Variants in MTAP observed in about 807,000 individuals in gnomAD.
MTAP encodes the protein methylthioadenosine phosphorylase.
Under a neutral mutation model 33.6 loss-of-function variants are expected in MTAP, and 33 were observed. That is an observed-to-expected ratio of 0.98 (90% CI 0.74 to 1.31). The LOEUF (loss-of-function observed/expected upper bound fraction) is 1.31. Ranked by LOEUF, MTAP falls within the 40% of genes most tolerant of loss-of-function variation. The pLI, the probability that MTAP is intolerant of heterozygous loss-of-function variation, is 0.00. For missense variants in MTAP, 367 were observed against 360.0 expected (o/e 1.02, Z -0.16); for synonymous variants, 148 against 125.7 (o/e 1.18, Z -1.19).
intron 4 of MTAP, among the ~76,000 whole-genome samples, chr9:21,837,574 A>G (rs1825141656): frequency 6.6e-6 from 1 of 152,188 alleles, no homozygotes; most frequent in East Asian, 1.9e-4. Context: ...ATGATGAAAC[A>G]TTTTTGTATT....
chr9:21,859,449 A>G (rs1196945107), intron 7 of MTAP, 24 bp downstream of exon 7: 1 of 1,598,636 alleles, frequency 6.3e-7, no homozygotes. Context: ...ATGGACAATC[A>G]GGCATGTCTG....
intron 1 of MTAP, among the ~76,000 whole-genome samples, chr9:21,897,223 A>G (rs563238787): frequency 6.6e-6 from 1 of 152,162 alleles, no homozygotes; most frequent in African/African-American, 2.4e-5. Flanking sequence ...TATTGATGGG[A>G]TGTATCTCAA....
intron 5 of MTAP, among the ~76,000 whole-genome samples, chr9:21,847,729 C>A (rs1352552329): frequency 1.3e-5 from 2 of 152,192 alleles, no homozygotes; most frequent in East Asian, 3.8e-4. Context: ...TATCTCCCAG[C>A]TCCAGCAGCA....
chr9:21,850,038 T>A (rs1325368144), intron 5 of MTAP, among the ~76,000 whole-genome samples: 1 of 152,238 alleles, frequency 6.6e-6, no homozygotes, highest in Non-Finnish European at 1.5e-5. Context: ...TGTGTCATAA[T>A]CTTATTCAGA....
At chr9:21,892,411 A>G (rs1303543676) in intron 1 of MTAP, 1 of 152,200 alleles carries the variant, frequency 6.6e-6, no homozygotes, top group Admixed American at 6.5e-5. Flanking sequence ...GGCTCAAAAT[A>G]AAGGGATGGA....
At position 21,903,350 on chromosome 9, in the gene MTAP, A is replaced by G. The variant is rs558323937; in HGVS notation, c.148-27658A>G. Among the ~76,000 whole-genome samples, 3 of 152,312 alleles carry G rather than the reference A, an allele frequency of 2.0e-5. No individual in the cohort carries two copies. In the South Asian group the frequency reaches 6.2e-4, roughly 32 times the overall value. ...TAAAAATCTTCAGGCCCAACTCAGA[A>G]ACATCCTTTACTGATAATATGCAAA... On this transcript the variant is annotated intron_variant, in intron 1 of 1. Coordinates refer to the MTAP transcript ENST00000577563.
chr9:21,849,612 C>T (rs907694803), intron 5 of MTAP, among the ~76,000 whole-genome samples: 2 of 152,190 alleles, frequency 1.3e-5, no homozygotes, highest in African/African-American at 4.8e-5. Context: ...TTCGAGCTGC[C>T]TCTACCTAGA....
chr9:21,818,249 T>C (rs775173253), intron 4 of MTAP, 47 bp downstream of exon 4: 6 of 1,593,666 alleles, frequency 3.8e-6, no homozygotes, highest in East Asian at 4.6e-5. Context: ...CTGGTCATTT[T>C]CAGCTCAAAT....
intron 3 of MTAP, 113 bp downstream of exon 3, chr9:21,816,885 G>T: frequency 1.2e-6 from 1 of 818,386 alleles, no homozygotes. Flanking sequence ...GGCAGAATCA[G>T]AACATCTTAG....
At chr9:21,897,921 C>T (rs1031125225) in intron 1 of MTAP, among the ~76,000 whole-genome samples, 1 of 152,138 alleles carries the variant, frequency 6.6e-6, no homozygotes, top group Non-Finnish European at 1.5e-5. Context: ...CCCGCATTGC[C>T]AAGTCAATCC....
intron 4 of MTAP, among the ~76,000 whole-genome samples, chr9:21,821,645 G>C (rs1824643066): frequency 6.6e-6 from 1 of 152,218 alleles, no homozygotes; most frequent in African/African-American, 2.4e-5. Flanking sequence ...CTCATAAAAT[G>C]AGTTAGGGAG....
chr9:21,909,053 T>C (rs529445168), intron 1 of MTAP, among the ~76,000 whole-genome samples: 87 of 152,136 alleles, frequency 5.7e-4, no homozygotes, highest in Non-Finnish European at 1.1e-3. Context: ...ATTACATTTA[T>C]GCATATTTTT....
intron 4 of MTAP, among the ~76,000 whole-genome samples, chr9:21,831,251 G>T (rs1824959461): frequency 1.3e-5 from 2 of 152,144 alleles, no homozygotes; most frequent in South Asian, 4.1e-4. Context: ...CCTGATGATT[G>T]TAGGAAATCA....
chr9:21,802,912 G>A, intron 1 of MTAP, 131 bp downstream of exon 1: 2 of 1,453,506 alleles, frequency 1.4e-6, no homozygotes, highest in Non-Finnish European at 9.0e-7. Flanking sequence ...GAGGGACTGG[G>A]GCGCGGCACT....
chr9:21,881,871 T>C (rs1818017545), intron 1 of MTAP, among the ~76,000 whole-genome samples: 1 of 152,038 alleles, frequency 6.6e-6, no homozygotes, highest in Non-Finnish European at 1.5e-5. Flanking sequence ...ATCACATCTT[T>C]GCATATGTTT....
In MTAP at chr9:21,865,840, GC is replaced by G; in HGVS notation, c.*3828del. The G allele has an allele frequency of 1.0e-6, 1 of 974,998 alleles. No homozygotes were observed. Among genetic ancestry groups the G allele is most frequent in the Non-Finnish European group, 1.2e-6 (1 of 817,724 alleles). 60.4% of individuals were successfully genotyped at this position (974,998 alleles called of 1,614,324 possible). A position where few individuals can be genotyped will look rare whatever the true frequency, so the allele number is the denominator to read the frequency against. ...CATGTTGCATGCATCTGTAGCTTGT[GC>G]CTTTTTTATTGCCTAGTAGTATTCT... is the stretch of plus-strand genomic sequence containing the variant. On this transcript the variant is annotated 3_prime_UTR_variant, in exon 8 of 8. Transcript: ENST00000644715.
chr9:21,849,941 A>T (rs1476484011), intron 5 of MTAP, among the ~76,000 whole-genome samples: 1 of 152,186 alleles, frequency 6.6e-6, no homozygotes, highest in Non-Finnish European at 1.5e-5. Context: ...GTCCATAAGG[A>T]CCACCAGAAG....
At chr9:21,822,887 CTTCT>C (rs879518802) in intron 4 of MTAP, among the ~76,000 whole-genome samples, 2 of 152,152 alleles carry the variant, frequency 1.3e-5, no homozygotes, top group Admixed American at 6.5e-5. Context: ...ATGTAATGGC[CTTCT>C]TTGTCTCTTT....
At chr9:21,816,324 G>A (rs1458032574) in intron 2 of MTAP, among the ~76,000 whole-genome samples, 1 of 152,158 alleles carries the variant, frequency 6.6e-6, no homozygotes, top group Non-Finnish European at 1.5e-5. Context: ...GACATTTCCA[G>A]TGCTGAATTC....
Sources: allele counts gnomAD v4.1 joint callset (sites outside exome capture counted in the v4.1 genomes callset), GRCh38; gene constraint gnomAD v4.1.1; transcripts MANE v1.5; gene names NCBI Gene and HGNC (gene_info 2026-07-23, HGNC 2026-07-21).